The following LRFN2 variants were observed in gnomAD, a reference collection of about 807,000 sequenced individuals.
LRFN2 encodes leucine-rich repeat and fibronectin type-III domain-containing protein 2.
A neutral mutation model predicts 37.3 loss-of-function variants in LRFN2; 18 were observed. That is an observed-to-expected ratio of 0.48 (90% confidence interval 0.33 to 0.72). The LOEUF is 0.72. Ranked by LOEUF, LRFN2 falls within the 30% of genes least tolerant of loss-of-function variation. The probability of loss-of-function intolerance (pLI) is 0.02; values close to 1 mark genes in which losing one functional copy is unlikely to be tolerated. For synonymous variants in LRFN2, 556 were observed against 466.6 expected (o/e 1.19, Z -2.47); for missense variants, 1,006 against 1,060.7 (o/e 0.95, Z 0.72).
Position 40,391,870 on chromosome 6 carries a change from C to G in LRFN2, c.*73G>C, listed in dbSNP as rs2113787817. 6.9e-7 allele frequency: 1 copy of G among 1,441,474 alleles called. No individual in the cohort carries two copies. The highest frequency in any genetic ancestry group is 2.5e-5 in the East Asian group (1 of 40,084). The allele number at this position is 1,441,474 out of a possible 1,614,324, so 89.3% of individuals were successfully genotyped here. On this transcript the variant is annotated 3_prime_UTR_variant, in exon 3 of 3. Transcript: ENST00000338305. ...TGTAAACATCACCATGGAAACTCCACAAACACTTGCCAGTGAGATTCTTTC... is the reference window on the plus strand; with the variant it reads ...TGTAAACATCACCATGGAAACTCCAGAAACACTTGCCAGTGAGATTCTTTC...
chr6:40,515,785 C>T (rs952663148), intron 1 of LRFN2, among the ~76,000 whole-genome samples: 8 of 148,240 alleles, frequency 5.4e-5, no homozygotes, highest in African/African-American at 1.3e-4. Context: ...CCCAGGTACT[C>T]GGGAGGCTGA....
In LRFN2 at chr6:40,432,941, C is replaced by A. The variant is rs1248393139; in HGVS notation, c.173G>T (p.Arg58Leu). The change falls in exon 2 of 3, where the codon CGC (arginine) becomes CTC (leucine). Residue 58 changes from arginine (R) to leucine (L), a missense_variant. This residue lies in a region of LRFN2 where 185 missense variants were observed against 254.9 expected (regional missense o/e 0.73). Coordinates refer to ENST00000338305, the MANE Select transcript of LRFN2 (RefSeq NM_020737.3). Reference sequence around the variant, plus strand: ...GTGGATGATGAAGTTGCCGCCCAGGCGCAGCTCCACTGTCCGCCGGTCAAT... The same window carrying A: ...GTGGATGATGAAGTTGCCGCCCAGGAGCAGCTCCACTGTCCGCCGGTCAAT... ...PDIDRRTVELRLGGNFIIHIS... is the reference protein window; with the variant it reads ...PDIDRRTVELLLGGNFIIHIS... The A allele has an allele frequency of 6.2e-7, 1 of 1,613,842 alleles. No homozygotes were observed. The highest frequency in any genetic ancestry group is 2.2e-5 in the East Asian group (1 of 44,886).
chr6:40,565,661 C>T (rs1404875090), intron 1 of LRFN2, among the ~76,000 whole-genome samples: 1 of 151,650 alleles, frequency 6.6e-6, no homozygotes, highest in Non-Finnish European at 1.5e-5. Context: ...ATAAATGGTG[C>T]TGGGAAAACT....
At chr6:40,414,304 C>T (rs892370) in intron 2 of LRFN2, among the ~76,000 whole-genome samples, 83,714 of 152,134 alleles carry the variant, frequency 0.55, 25,278 homozygotes, top group South Asian at 0.79. Flanking sequence ...GCTGCAGACC[C>T]TGAAGCCAGT....
intron 1 of LRFN2, chr6:40,516,410 A>G (rs1765875324): frequency 6.6e-6 from 1 of 152,232 alleles, no homozygotes; most frequent in Admixed American, 6.5e-5. Flanking sequence ...TTCACAGCAG[A>G]CCATGACATC....
intron 1 of LRFN2, among the ~76,000 whole-genome samples, chr6:40,441,008 C>T (rs917767489): frequency 2.6e-5 from 4 of 152,080 alleles, no homozygotes; most frequent in Non-Finnish European, 5.9e-5. Context: ...GAGACTGGGC[C>T]GCTGTAGAAA....
intron 1 of LRFN2, among the ~76,000 whole-genome samples, chr6:40,562,737 T>C (rs557441250): frequency 6.6e-6 from 1 of 152,250 alleles, no homozygotes; most frequent in East Asian, 1.9e-4. Context: ...CCTATTTCTG[T>C]CTGTGCATGG....
intron 1 of LRFN2, among the ~76,000 whole-genome samples, chr6:40,525,278 G>C (rs139380239): frequency 1.6e-3 from 247 of 152,288 alleles, no homozygotes; most frequent in African/African-American, 5.4e-3. Context: ...AAGCAAGGGC[G>C]GCCCTGCTGC....
At chr6:40,435,115 A>G (rs35438661) in intron 1 of LRFN2, among the ~76,000 whole-genome samples, 36 of 134,880 alleles carry the variant, frequency 2.7e-4, no homozygotes, top group Non-Finnish European at 4.7e-4. Flanking sequence ...TATATTATAT[A>G]TTTTATATAT....
intron 2 of LRFN2, among the ~76,000 whole-genome samples, chr6:40,406,551 G>A (rs1762852625): frequency 1.3e-5 from 2 of 152,108 alleles, no homozygotes; most frequent in African/African-American, 4.8e-5. Context: ...GAGCCCCCCT[G>A]CTCATCAGCG....
intron 1 of LRFN2, among the ~76,000 whole-genome samples, chr6:40,436,598 C>T (rs1431869290): frequency 6.6e-6 from 1 of 152,164 alleles, no homozygotes; most frequent in Admixed American, 6.5e-5. Context: ...ACCTGCCCAC[C>T]CTGCCAGTCC....
intron 1 of LRFN2, among the ~76,000 whole-genome samples, chr6:40,554,634 G>A (rs58150545): frequency 0.025 from 3,794 of 152,118 alleles, 164 homozygotes; most frequent in African/African-American, 0.085. Flanking sequence ...TCATATTCTC[G>A]CCACATAGAA....
intron 2 of LRFN2, among the ~76,000 whole-genome samples, chr6:40,403,654 C>T (rs9471335): frequency 0.065 from 9,834 of 152,168 alleles, 985 homozygotes; most frequent in African/African-American, 0.22. Flanking sequence ...TTCCACAGCC[C>T]GCAAGACAGC....
intron 1 of LRFN2, among the ~76,000 whole-genome samples, chr6:40,565,895 T>C (rs1400377661): frequency 1.3e-5 from 2 of 151,908 alleles, no homozygotes; most frequent in African/African-American, 4.8e-5. Flanking sequence ...GGGATCTAAT[T>C]AAACTAAAGA....
At chr6:40,448,800 C>T (rs901229355) in intron 1 of LRFN2, among the ~76,000 whole-genome samples, 2 of 152,202 alleles carry the variant, frequency 1.3e-5, no homozygotes, top group African/African-American at 2.4e-5. Context: ...TGAACACTTC[C>T]GGCTTCAATT....
In LRFN2 at chr6:40,464,798, G is replaced by A. The variant is rs190233995; in HGVS notation, c.-18-31667C>T. Among the ~76,000 whole-genome samples the A allele has an allele frequency of 7.1e-4, 108 of 152,206 alleles. No individual in the cohort carries two copies. In the Middle Eastern group the frequency reaches 0.01, roughly 14 times the overall value. The stretch of plus-strand genomic sequence containing the variant: ...TCAACCCCTACTCCAAACCAATCTC[G>A]GATGGGAGCTGGTGAATAAGTACCC... On this transcript the variant is annotated intron_variant, in intron 1 of 2. Coordinates refer to ENST00000338305, the MANE Select transcript of LRFN2 (RefSeq NM_020737.3).
intron 1 of LRFN2, among the ~76,000 whole-genome samples, chr6:40,564,644 A>C (rs529851176): frequency 6.6e-6 from 1 of 151,740 alleles, no homozygotes; most frequent in Non-Finnish European, 1.5e-5. Flanking sequence ...TAATACACCC[A>C]CTCTCACCAT....
intron 2 of LRFN2, among the ~76,000 whole-genome samples, chr6:40,428,319 A>G (rs1763401094): frequency 6.6e-6 from 1 of 152,220 alleles, no homozygotes; most frequent in Non-Finnish European, 1.5e-5. Flanking sequence ...ATAAACATGG[A>G]CTAAAAAGCC....
intron 1 of LRFN2, among the ~76,000 whole-genome samples, chr6:40,467,893 C>T (rs768675176): frequency 6.6e-6 from 1 of 152,094 alleles, no homozygotes; most frequent in Non-Finnish European, 1.5e-5. Flanking sequence ...CTTCCTGTGT[C>T]TCCTAGTATG....
Sources: allele counts gnomAD v4.1 joint callset (sites outside exome capture counted in the v4.1 genomes callset), GRCh38; gene constraint gnomAD v4.1.1; regional missense constraint gnomAD v4.1.1; transcripts MANE v1.5; gene names NCBI Gene and HGNC (gene_info 2026-07-23, HGNC 2026-07-21).